BMP2K: variants seen among roughly 807,000 people sequenced by gnomAD.
BMP2K encodes BMP-2-inducible protein kinase.
BMP2K carries 74 observed loss-of-function variants against 116.0 expected under a neutral mutation model. The ratio of observed to expected loss-of-function variants is 0.64; its 90% CI spans 0.53 to 0.77. The LOEUF (loss-of-function observed/expected upper bound fraction) is 0.77, where lower values mean the gene tolerates loss of function less well. BMP2K is among the 30% of genes least tolerant of loss of function. The pLI is 0.00. For missense variants in BMP2K, 1,365 were observed against 1,403.6 expected (o/e 0.97, Z 0.44); for synonymous variants, 486 against 502.5 (o/e 0.97, Z 0.44).
chr4:78,827,349 G>A (rs913560465), intron 2 of BMP2K, among the ~76,000 whole-genome samples: 1 of 152,046 alleles, frequency 6.6e-6, no homozygotes, highest in African/African-American at 2.4e-5. Flanking sequence ...AGCCCCCTGA[G>A]GGCTACCAGC....
In BMP2K at chr4:78,912,077, G is replaced by A. The variant is rs1734663524; in HGVS notation, c.*44G>A. The A allele has an allele frequency of 1.3e-6, 2 of 1,508,422 alleles. No individual in the cohort carries two copies. Among genetic ancestry groups the A allele is most frequent in the Admixed American group, 4.1e-5 (2 of 49,368 alleles). The allele number at this position is 1,508,422 out of a possible 1,614,324, so 93.4% of individuals were successfully genotyped here. A position where few individuals can be genotyped will look rare whatever the true frequency, so the allele number is the denominator to read the frequency against. Reference sequence around the variant, plus strand: ...CGGCATTAACTCCTGTTTCAAAAAAGTGTGAACAGTTTTATGAATTTGAAA... The same window carrying A: ...CGGCATTAACTCCTGTTTCAAAAAAATGTGAACAGTTTTATGAATTTGAAA... On this transcript the variant is annotated 3_prime_UTR_variant, in exon 16 of 16. Transcript: ENST00000502613.
chr4:78,872,744 C>T lies in BMP2K; in HGVS notation c.1739C>T (p.Ser580Leu). The change falls in exon 13 of 16, where the codon TCA (serine) becomes TTA (leucine). Residue 580 changes from serine to leucine, a missense_variant. Ser to Leu is a moderately radical substitution (Grantham distance 145). Transcript: ENST00000502613. ...TCACCAGCCTTAGTTTCCTACACTT[C>T]ATCACTTCCAGCTCAGGTTGGAACC... Reference protein sequence around the residue: ...EFSPALVSYTSSLPAQVGTIM... With the variant: ...EFSPALVSYTLSLPAQVGTIM... 1 of 1,614,178 alleles carries T rather than the reference C, an allele frequency of 6.2e-7. No homozygotes were observed. The highest frequency in any genetic ancestry group is 8.5e-7 in the Non-Finnish European group (1 of 1,179,994).
chr4:78,842,440 A>G lies in BMP2K; in HGVS notation c.459A>G (p.Pro153=). 2 of 1,609,032 alleles carry G rather than the reference A, an allele frequency of 1.2e-6. No individual in the cohort carries two copies. The highest frequency in any genetic ancestry group is 1.7e-4 in the Middle Eastern group (1 of 6,042). ...AGCTACAGACGGGTTTTACAGAACCAGAAGTGTTACAGATATTCTGTGATA... is the reference window on the plus strand; with the variant it reads ...AGCTACAGACGGGTTTTACAGAACCGGAAGTGTTACAGATATTCTGTGATA... The part of the protein sequence containing the change: ...NKKLQTGFTE[P]EVLQIFCDTC... Residue 153 remains proline (P), a synonymous_variant, in exon 4 of 16, where the codon CCA becomes CCG. Coordinates refer to ENST00000502613, the MANE Select transcript of BMP2K (RefSeq NM_198892.2).
At chr4:78,792,630 C>T (rs1163416232) in intron 1 of BMP2K, among the ~76,000 whole-genome samples, 1 of 151,792 alleles carries the variant, frequency 6.6e-6, no homozygotes, top group African/African-American at 2.4e-5. Flanking sequence ...AAAAGCCTTT[C>T]TGAGGAGACA....
At chr4:78,847,144 A>G (rs769219878) in intron 5 of BMP2K, 44 bp from the exon 6 acceptor site, 1 of 963,896 alleles carries the variant, frequency 1.0e-6, no homozygotes, top group East Asian at 3.4e-5. Flanking sequence ...TTTTTTTTAT[A>G]TATATATATA....
chr4:78,834,496 C>T (rs1365407821), intron 3 of BMP2K, among the ~76,000 whole-genome samples: 3 of 151,968 alleles, frequency 2.0e-5, no homozygotes, highest in Non-Finnish European at 4.4e-5. Context: ...CTCCTGACCT[C>T]GTGATCCGCC....
At chr4:78,860,633 G>A (rs946815644) in intron 8 of BMP2K, among the ~76,000 whole-genome samples, 13 of 151,742 alleles carry the variant, frequency 8.6e-5, no homozygotes, top group African/African-American at 2.9e-4. Flanking sequence ...CTTAATAAAG[G>A]TTCTGCAATC....
At chr4:78,906,119 G>A (rs1336372824) in intron 15 of BMP2K, 2 of 152,066 alleles carry the variant, frequency 1.3e-5, no homozygotes, top group Non-Finnish European at 2.9e-5. Flanking sequence ...TTGGATTGTG[G>A]TAACTTGCAG....
At chr4:78,828,991 G>A (rs986970325) in intron 2 of BMP2K, among the ~76,000 whole-genome samples, 2 of 152,170 alleles carry the variant, frequency 1.3e-5, no homozygotes, top group Non-Finnish European at 2.9e-5. Context: ...AGACCTTGGC[G>A]ATGACCTTGA....
chr4:78,783,873 A>G (rs1040398258), intron 1 of BMP2K, among the ~76,000 whole-genome samples: 9 of 152,128 alleles, frequency 5.9e-5, no homozygotes, highest in African/African-American at 2.2e-4. Flanking sequence ...AACATGCCAA[A>G]TATCTTTGCT....
rs1372744002 is a variant in BMP2K, at chr4:78,895,629, A to G, written c.2062+8345A>G. ...AATAAGAAGATGGATCTATAGATTT[A>G]TTAATGGAAGTTGGGATGTAGATGG... On this transcript the variant is annotated intron_variant, in intron 15 of 15. Coordinates refer to ENST00000502613, the MANE Select transcript of BMP2K (RefSeq NM_198892.2). Among the ~76,000 whole-genome samples the G allele has an allele frequency of 6.6e-5, 10 of 152,308 alleles. No homozygotes were observed. In the South Asian group the frequency reaches 2.1e-3, roughly 32 times the overall value.
chr4:78,870,982 A>ACAGCAGCAGCAGCAGCAGCAGCAG lies in BMP2K; in HGVS notation c.1437_1460dup (p.Gln479_Gln486dup). 6.3e-7 allele frequency: 1 copy of ACAGCAGCAGCAGCAGCAGCAGCAG among 1,597,096 alleles called. No homozygotes were observed. ...AGCAACAGCAGCAGCAGCAACAGCA[A>ACAGCAGCAGCAGCAGCAGCAGCAG]CAGCAGCAGCAGCAGCAGCAGCAGC... On this transcript the variant is annotated inframe_insertion, in exon 11 of 16. Transcript: ENST00000502613.
At chr4:78,852,504 T>C (rs1247303212) in intron 7 of BMP2K, among the ~76,000 whole-genome samples, 1 of 152,156 alleles carries the variant, frequency 6.6e-6, no homozygotes, top group Non-Finnish European at 1.5e-5. Flanking sequence ...TTGTATTGAG[T>C]AGTAAAAGCT....
intron 1 of BMP2K, among the ~76,000 whole-genome samples, chr4:78,804,907 A>T (rs943256776): frequency 5.9e-5 from 9 of 151,846 alleles, no homozygotes; most frequent in Non-Finnish European, 1.0e-4. Context: ...GTCTTCAAAA[A>T]TTTTAAATTT....
intron 1 of BMP2K, among the ~76,000 whole-genome samples, chr4:78,778,746 C>T (rs1319105803): frequency 1.3e-5 from 2 of 152,202 alleles, no homozygotes; most frequent in Non-Finnish European, 2.9e-5. Flanking sequence ...GATGTTTAAG[C>T]ACAAGTCTAG....
At chr4:78,812,061 T>C (rs1372483388) in intron 1 of BMP2K, among the ~76,000 whole-genome samples, 1 of 151,988 alleles carries the variant, frequency 6.6e-6, no homozygotes, top group Admixed American at 6.6e-5. Flanking sequence ...GCAACCTCCA[T>C]CTCCCAGGTT....
intron 12 of BMP2K, 112 bp from the exon 13 acceptor site, chr4:78,872,502 C>A: frequency 1.1e-6 from 1 of 910,546 alleles, no homozygotes; most frequent in Non-Finnish European, 1.6e-6. Flanking sequence ...TTGTTTTTTA[C>A]GTTTCTGATT....
rs961764843 is a variant in BMP2K, at chr4:78,915,317, A to C, written c.*3284A>C. 6.6e-5 allele frequency: 10 copies of C among 151,956 alleles called. No homozygotes were observed. Among genetic ancestry groups the C allele is most frequent in the South Asian group, 2.1e-4 (1 of 4,824 alleles). 9.4% of individuals were successfully genotyped at this position (151,956 alleles called of 1,614,324 possible). On this transcript the variant is annotated 3_prime_UTR_variant, in exon 16 of 16. Transcript: ENST00000502613. ...GTTCACCAGGCAGAGCAGTTTTCTT[A>C]CAAGTCAGCTACTCTGCTTGGTTTA...
At chr4:78,808,265 CTTTT>C (rs532312072) in intron 1 of BMP2K, among the ~76,000 whole-genome samples, 1 of 109,366 alleles carries the variant, frequency 9.1e-6, no homozygotes. Flanking sequence ...ATCTTGCTTC[CTTTT>C]TTTTTTTTTT....
Sources: allele counts gnomAD v4.1 joint callset (sites outside exome capture counted in the v4.1 genomes callset), GRCh38; gene constraint gnomAD v4.1.1; transcripts MANE v1.5; gene names NCBI Gene and HGNC (gene_info 2026-07-23, HGNC 2026-07-21).